Variants in CNTN3 observed in about 807,000 individuals in gnomAD.
The protein encoded by CNTN3 is contactin-3.
Under a neutral mutation model 119.1 loss-of-function variants are expected in CNTN3, and 60 were observed. The ratio of observed to expected loss-of-function variants is 0.50; its 90% CI spans 0.41 to 0.62. CNTN3 has a LOEUF of 0.62. Among genes scored for constraint, CNTN3 ranks in the 20% least tolerant of loss-of-function variants. The probability of loss-of-function intolerance (pLI) is 0.00; values close to 1 mark genes in which losing one functional copy is unlikely to be tolerated. For synonymous variants in CNTN3, 450 were observed against 438.7 expected, an observed-to-expected ratio of 1.03 and a Z score of -0.32; for missense variants, 1,101 against 1,242.4, an observed-to-expected ratio of 0.89 and a Z score of 1.71.
At chr3:74,439,998 T>C (rs1303423725) in intron 4 of CNTN3, among the ~76,000 whole-genome samples, 5 of 152,206 alleles carry the variant, frequency 3.3e-5, no homozygotes, top group African/African-American at 1.2e-4. Context: ...TGAGGTTTGA[T>C]ATAAAGACCC....
intron 2 of CNTN3, among the ~76,000 whole-genome samples, chr3:74,504,067 T>C (rs1320031617): frequency 6.6e-6 from 1 of 152,110 alleles, no homozygotes; most frequent in Non-Finnish European, 1.5e-5. Flanking sequence ...AAAGAAAACA[T>C]AGACAAGGGA....
chr3:74,392,159 A>G (rs1273765619), intron 5 of CNTN3, among the ~76,000 whole-genome samples: 1 of 152,232 alleles, frequency 6.6e-6, no homozygotes, highest in African/African-American at 2.4e-5. Context: ...GTGAGAGAAC[A>G]TATAAACTAG....
chr3:74,372,886 A>G (rs2106794741), intron 5 of CNTN3, among the ~76,000 whole-genome samples: 1 of 152,288 alleles, frequency 6.6e-6, no homozygotes, highest in Non-Finnish European at 1.5e-5. Context: ...GAACATGAGA[A>G]AAGGCCAGCA....
At chr3:74,479,897 A>G (rs920865914) in intron 4 of CNTN3, among the ~76,000 whole-genome samples, 5 of 152,108 alleles carry the variant, frequency 3.3e-5, no homozygotes, top group East Asian at 1.9e-4. Context: ...ATTTGGCCAA[A>G]ATTTTGGTTG....
intron 4 of CNTN3, among the ~76,000 whole-genome samples, chr3:74,440,218 A>AGT (rs779773613): frequency 6.6e-6 from 1 of 152,216 alleles, no homozygotes; most frequent in Non-Finnish European, 1.5e-5. Flanking sequence ...AACCATGGAC[A>AGT]GTTTTCCAGA....
At chr3:74,388,256 T>A (rs1234542389) in intron 5 of CNTN3, among the ~76,000 whole-genome samples, 3 of 152,174 alleles carry the variant, frequency 2.0e-5, no homozygotes, top group Non-Finnish European at 2.9e-5. Flanking sequence ...AAATAAAAAG[T>A]CTACACTGTA....
chr3:74,553,684 T>C (rs1228066016), intron 1 of CNTN3, among the ~76,000 whole-genome samples: 2 of 151,800 alleles, frequency 1.3e-5, no homozygotes, highest in Non-Finnish European at 2.9e-5. Context: ...CTCCATTTTT[T>C]CATATGTCTC....
intron 1 of CNTN3, among the ~76,000 whole-genome samples, chr3:74,566,461 C>T (rs181379692): frequency 6.6e-6 from 1 of 152,274 alleles, no homozygotes; most frequent in Admixed American, 6.5e-5. Flanking sequence ...GGGCCACACT[C>T]CCTCCAAAGG....
chr3:74,308,425 A>C (rs1028015243), intron 13 of CNTN3, among the ~76,000 whole-genome samples: 1 of 152,176 alleles, frequency 6.6e-6, no homozygotes, highest in Non-Finnish European at 1.5e-5. Context: ...AAACTGGAAT[A>C]ATTGCTCCAT....
chr3:74,563,972 C>A (rs1467488486), intron 1 of CNTN3, among the ~76,000 whole-genome samples: 1 of 152,152 alleles, frequency 6.6e-6, no homozygotes, highest in Non-Finnish European at 1.5e-5. Flanking sequence ...CAAAGATTTA[C>A]TGGGTCTGCA....
At chr3:74,594,804 A>G (rs1704770482) in intron 1 of CNTN3, among the ~76,000 whole-genome samples, 1 of 151,876 alleles carries the variant, frequency 6.6e-6, no homozygotes, top group African/African-American at 2.4e-5. Flanking sequence ...TCCTTTGGGT[A>G]TATACCCAGT....
chr3:74,502,054 T>G (rs1251620339), intron 2 of CNTN3, among the ~76,000 whole-genome samples: 1 of 152,176 alleles, frequency 6.6e-6, no homozygotes, highest in Admixed American at 6.6e-5. Flanking sequence ...AGTGAACATT[T>G]CCTAACATTT....
At chr3:74,602,949 A>C (rs1704935343) in intron 1 of CNTN3, among the ~76,000 whole-genome samples, 1 of 152,088 alleles carries the variant, frequency 6.6e-6, no homozygotes, top group African/African-American at 2.4e-5. Flanking sequence ...CAAAATCTGA[A>C]ATGAAGAAGG....
At chr3:74,536,582 C>T (rs1242845424) in intron 1 of CNTN3, among the ~76,000 whole-genome samples, 1 of 152,092 alleles carries the variant, frequency 6.6e-6, no homozygotes, top group Non-Finnish European at 1.5e-5. Context: ...ACCTAGAACT[C>T]TGCCTGGACG....
chr3:74,309,672 C>T (rs1454369547), intron 13 of CNTN3, among the ~76,000 whole-genome samples: 1 of 152,058 alleles, frequency 6.6e-6, no homozygotes, highest in Admixed American at 6.5e-5. Context: ...ATTATTAAAC[C>T]TCCTGGGATA....
At chr3:74,589,117 A>G (rs1335519456) in intron 1 of CNTN3, among the ~76,000 whole-genome samples, 5 of 151,458 alleles carry the variant, frequency 3.3e-5, no homozygotes, top group Admixed American at 1.3e-4. Flanking sequence ...GGATCTAATT[A>G]AACTAAAGAG....
At position 74,304,474 on chromosome 3, in the gene CNTN3, G is replaced by A. The variant is rs537114075; in HGVS notation, c.1669-1667C>T. Among the ~76,000 whole-genome samples the A allele has an allele frequency of 2.3e-4, 35 of 152,260 alleles. 1 individual carries two copies. The South Asian group carries it at 7.3e-3, about 32-fold the overall frequency. Reference sequence around the variant, plus strand: ...CGGTGAAAAACTGTTACTATTAAATGCCATCTAAGGCATTGGGGTAAGGTT... The same window carrying A: ...CGGTGAAAAACTGTTACTATTAAATACCATCTAAGGCATTGGGGTAAGGTT... On this transcript the variant is annotated intron_variant, in intron 13 of 22. Coordinates refer to ENST00000263665, the MANE Select transcript of CNTN3 (RefSeq NM_020872.3).
chr3:74,314,396 T>G (rs890085458), intron 13 of CNTN3, among the ~76,000 whole-genome samples: 77 of 152,150 alleles, frequency 5.1e-4, no homozygotes, highest in African/African-American at 1.8e-3. Flanking sequence ...TAGACCCAAT[T>G]ACATGTTGTC....
At chr3:74,271,871 T>C (rs1356787874) in intron 20 of CNTN3, among the ~76,000 whole-genome samples, 1 of 152,194 alleles carries the variant, frequency 6.6e-6, no homozygotes, top group Non-Finnish European at 1.5e-5. Flanking sequence ...GGATCTAATT[T>C]CTTATCAAAG....
Sources: gnomAD v4.1 joint callset for allele counts (sites outside exome capture counted in the v4.1 genomes callset) on GRCh38, gnomAD v4.1.1 for gene constraint, MANE v1.5 for transcripts, NCBI Gene and HGNC (gene_info 2026-07-23, HGNC 2026-07-21) for gene names.